The following SIK2 variants were observed in gnomAD, a reference collection of about 807,000 sequenced individuals.
SIK2 encodes serine/threonine-protein kinase SIK2.
SIK2 carries 29 observed loss-of-function variants against 103.2 expected under a neutral mutation model. That is an observed-to-expected ratio of 0.28 (90% CI 0.21 to 0.38). The LOEUF is 0.38. SIK2 is among the 10% of genes least tolerant of loss of function. SIK2 has a pLI of 1.00. For synonymous variants in SIK2, 412 were observed against 446.1 expected (o/e 0.92, Z 0.96); for missense variants, 879 against 1,171.0 (o/e 0.75, Z 3.64).
rs1233815781 is a variant in SIK2, at chr11:111,725,450, G to GT, written c.*1322dup. ...CAACACTTACAATTCAGTCATCAAA[G>GT]TAAGTAAAAATTAGATGCTACAGCT... On this transcript the variant is annotated 3_prime_UTR_variant, in exon 15 of 15. Transcript: ENST00000304987. 6.6e-6 allele frequency: 1 copy of GT among 152,484 alleles called. No homozygotes were observed. The highest frequency in any genetic ancestry group is 6.5e-5 in the Admixed American group (1 of 15,284). 9.4% of individuals were successfully genotyped at this position (152,484 alleles called of 1,614,324 possible).
chr11:111,625,379 A>G (rs1164369282), intron 3 of SIK2, among the ~76,000 whole-genome samples: 1 of 152,122 alleles, frequency 6.6e-6, no homozygotes, highest in Non-Finnish European at 1.5e-5. Context: ...AACTCAGAAT[A>G]TATTTTGAAG....
intron 3 of SIK2, among the ~76,000 whole-genome samples, chr11:111,624,470 G>T (rs922205169): frequency 6.6e-6 from 1 of 152,122 alleles, no homozygotes; most frequent in South Asian, 2.1e-4. Flanking sequence ...ACTTTGGGCA[G>T]GTTTCTTTCC....
rs1258613512 is a variant in SIK2 at position 111,602,478 on chromosome 11, A to C, written c.-86A>C. 1 of 1,334,682 alleles carries C rather than the reference A, an allele frequency of 7.5e-7. No homozygotes were observed. Among genetic ancestry groups the C allele is most frequent in the South Asian group, 1.7e-5 (1 of 59,984 alleles). The allele number at this position is 1,334,682 out of a possible 1,614,324, so 82.7% of individuals were successfully genotyped here. A position where few individuals can be genotyped will look rare whatever the true frequency, so the allele number is the denominator to read the frequency against. ...AGCGAAGGAGCGAAGGAGCAAGCGGAGCGGCCGTCGCCCAAGCCAAGCCGC... is the reference window on the plus strand; with the variant it reads ...AGCGAAGGAGCGAAGGAGCAAGCGGCGCGGCCGTCGCCCAAGCCAAGCCGC... On this transcript the variant is annotated 5_prime_UTR_variant, in exon 1 of 15. Transcript: ENST00000304987. The surrounding 1 kb of genome is among the most constrained non-coding windows in gnomAD (Gnocchi z 4.5).
chr11:111,707,852 A>G (rs962630309), intron 8 of SIK2, among the ~76,000 whole-genome samples: 1 of 152,220 alleles, frequency 6.6e-6, no homozygotes, highest in Non-Finnish European at 1.5e-5. Flanking sequence ...CCACACACCA[A>G]GCTGAGTGAC....
At chr11:111,723,333 G>A (rs548416898) in intron 14 of SIK2, among the ~76,000 whole-genome samples, 163 bp from the exon 15 acceptor site, 1 of 152,340 alleles carries the variant, frequency 6.6e-6, no homozygotes, top group East Asian at 1.9e-4. Context: ...ATGAGATTAG[G>A]TTTAAGAGAC....
chr11:111,721,214 C>A, intron 12 of SIK2, 152 bp downstream of exon 12: 2 of 935,008 alleles, frequency 2.1e-6, no homozygotes, highest in Non-Finnish European at 3.1e-6. Flanking sequence ...TTGTTGCTGC[C>A]ACCTGCCACT....
At position 111,688,090 on chromosome 11, in the gene SIK2, C is replaced by T. The variant is rs748800049; in HGVS notation, c.406C>T (p.Arg136Trp). 6 of 1,613,954 alleles carry T rather than the reference C, an allele frequency of 3.7e-6. No homozygotes were observed. The highest frequency in any genetic ancestry group is 2.7e-5 in the African/African-American group (2 of 74,858). ...GTCTGCTGTTGATTATTGTCATGGTCGGAAGATTGTGCACCGTGACCTCAA... is the reference window on the plus strand; with the variant it reads ...GTCTGCTGTTGATTATTGTCATGGTTGGAAGATTGTGCACCGTGACCTCAA... ...ILSAVDYCHG[R>W]KIVHRDLKAE... The change falls in exon 4 of 15, where the codon CGG becomes TGG. Residue 136 changes from arginine (R) to tryptophan (W), a missense_variant. Physicochemically the swap from Arg to Trp is moderately radical, Grantham distance 101. Coordinates refer to ENST00000304987, the MANE Select transcript of SIK2 (RefSeq NM_015191.3). This position sits in a 1 kb window ranked among gnomAD's most constrained non-coding sequence, Gnocchi z 4.2.
Position 111,721,859 on chromosome 11 carries a change from C to T in SIK2, c.1974C>T (p.Val658=). Residue 658 remains valine (V), a synonymous_variant, in exon 13 of 15, where the codon GTC becomes GTT. Coordinates refer to ENST00000304987, the MANE Select transcript of SIK2 (RefSeq NM_015191.3). ...QEEVSQQQES[V]STLPASVHPQ... Reference sequence around the variant, plus strand: ...AAGTTTCTCAGCAGCAGGAAAGCGTCTCCACTCTCCCTGCCAGCGTGCATC... The same window carrying T: ...AAGTTTCTCAGCAGCAGGAAAGCGTTTCCACTCTCCCTGCCAGCGTGCATC... 6.2e-7 allele frequency: 1 copy of T among 1,612,116 alleles called. No individual in the cohort carries two copies. Among genetic ancestry groups the T allele is most frequent in the African/African-American group, 1.3e-5 (1 of 74,962 alleles).
chr11:111,690,412 T>TC (rs1942917769), intron 4 of SIK2, among the ~76,000 whole-genome samples: 1 of 151,718 alleles, frequency 6.6e-6, no homozygotes, highest in Non-Finnish European at 1.5e-5. Flanking sequence ...TGTTTTTTTT[T>TC]CCAAGAGAAC....
chr11:111,712,840 G>A (rs1943539842), intron 9 of SIK2, among the ~76,000 whole-genome samples: 3 of 152,200 alleles, frequency 2.0e-5, no homozygotes, highest in Admixed American at 2.0e-4. Context: ...AGTTATACAT[G>A]TGTTTTTGTC....
intron 4 of SIK2, among the ~76,000 whole-genome samples, chr11:111,693,746 G>A (rs1393171241): frequency 6.6e-6 from 1 of 152,142 alleles, no homozygotes; most frequent in African/African-American, 2.4e-5. Flanking sequence ...ACCTTGGGCC[G>A]ATTATTTACA....
intron 9 of SIK2, among the ~76,000 whole-genome samples, chr11:111,714,049 T>C (rs1943574054): frequency 6.6e-6 from 1 of 152,142 alleles, no homozygotes; most frequent in Non-Finnish European, 1.5e-5. Flanking sequence ...TTTAGCTGTT[T>C]GATCAGGAAA....
At chr11:111,709,701 A>C (rs1415778961) in intron 8 of SIK2, among the ~76,000 whole-genome samples, 2 of 152,224 alleles carry the variant, frequency 1.3e-5, no homozygotes, top group Admixed American at 6.5e-5. Context: ...CTCTTGTTCC[A>C]AAAAGACTCC....
intron 3 of SIK2, among the ~76,000 whole-genome samples, chr11:111,676,226 A>G (rs2091869604): frequency 6.6e-6 from 1 of 152,206 alleles, no homozygotes; most frequent in South Asian, 2.1e-4. Flanking sequence ...GAATATACAC[A>G]TGCATATGTC....
intron 10 of SIK2, 37 bp from the exon 11 acceptor site, chr11:111,720,441 T>C: frequency 6.4e-7 from 1 of 1,553,106 alleles, no homozygotes; most frequent in Non-Finnish European, 8.7e-7. Context: ...GGAGATGCTA[T>C]TGCTGTTGGT....
intron 3 of SIK2, among the ~76,000 whole-genome samples, chr11:111,628,264 C>T (rs1470996904): frequency 6.6e-6 from 1 of 152,106 alleles, no homozygotes; most frequent in African/African-American, 2.4e-5. Flanking sequence ...GCTTATCTAT[C>T]TTCCAAGTTT....
At chr11:111,656,525 A>C (rs977431461) in intron 3 of SIK2, among the ~76,000 whole-genome samples, 5 of 152,310 alleles carry the variant, frequency 3.3e-5, no homozygotes, top group African/African-American at 1.2e-4. Flanking sequence ...AGGATAACTA[A>C]CATAGTAGTT....
chr11:111,640,417 A>G (rs1241620233), intron 3 of SIK2, among the ~76,000 whole-genome samples: 1 of 152,232 alleles, frequency 6.6e-6, no homozygotes, highest in Non-Finnish European at 1.5e-5. Context: ...TTCATTAAAT[A>G]TTGGGGGTTC....
intron 3 of SIK2, among the ~76,000 whole-genome samples, chr11:111,632,691 C>T (rs1942055084): frequency 6.6e-6 from 1 of 152,082 alleles, no homozygotes; most frequent in South Asian, 2.1e-4. Context: ...TTATATGCCG[C>T]CTTAGAGTTC....
Sources: allele counts gnomAD v4.1 joint callset (sites outside exome capture counted in the v4.1 genomes callset), GRCh38; gene constraint gnomAD v4.1.1; non-coding constraint Gnocchi (gnomAD v3.1); transcripts MANE v1.5; gene names NCBI Gene and HGNC (gene_info 2026-07-23, HGNC 2026-07-21).